Variants in PLCE1 observed in about 807,000 individuals in gnomAD.
PLCE1 encodes 1-phosphatidylinositol 4,5-bisphosphate phosphodiesterase epsilon-1.
Under a neutral mutation model 242.8 loss-of-function variants are expected in PLCE1, and 119 were observed. That is an observed-to-expected ratio of 0.49 (90% confidence interval 0.42 to 0.57). The LOEUF (loss-of-function observed/expected upper bound fraction) is 0.57, where lower values mean the gene tolerates loss of function less well. Among genes scored for constraint, PLCE1 ranks in the 20% least tolerant of loss-of-function variants. PLCE1 has a pLI of 0.00. For synonymous variants in PLCE1, 945 were observed against 1,017.4 expected, an observed-to-expected ratio of 0.93 and a Z score of 1.35; for missense variants, 2,441 against 2,788.8, an observed-to-expected ratio of 0.88 and a Z score of 2.81.
At chr10:94,060,950 C>T (rs1413266722) in intron 2 of PLCE1, among the ~76,000 whole-genome samples, 8 of 152,000 alleles carry the variant, frequency 5.3e-5, no homozygotes, top group African/African-American at 7.2e-5. Context: ...CCACCCGCCT[C>T]GGCCTCCCAA....
chr10:94,034,590 T>C (rs2061627374), intron 2 of PLCE1, among the ~76,000 whole-genome samples: 1 of 152,128 alleles, frequency 6.6e-6, no homozygotes, highest in South Asian at 2.1e-4. Context: ...AGAATTCTGT[T>C]CGTTTCAGCA....
chr10:94,095,648 A>G (rs918140934), intron 2 of PLCE1, among the ~76,000 whole-genome samples: 9 of 152,172 alleles, frequency 5.9e-5, no homozygotes, highest in African/African-American at 2.2e-4. Context: ...GGGAGAGGAG[A>G]GAGAGGCACT....
intron 2 of PLCE1, among the ~76,000 whole-genome samples, chr10:94,082,648 T>C (rs1008458577): frequency 1.1e-4 from 16 of 152,202 alleles, no homozygotes; most frequent in African/African-American, 3.6e-4. Context: ...ATAATGTATT[T>C]TTGAATGAAT....
chr10:94,205,013 G>A (rs545742220), intron 4 of PLCE1, among the ~76,000 whole-genome samples: 3 of 152,304 alleles, frequency 2.0e-5, no homozygotes, highest in East Asian at 1.9e-4. Flanking sequence ...CTTACTTGGC[G>A]TAAGGATAAA....
intron 2 of PLCE1, among the ~76,000 whole-genome samples, chr10:94,049,949 T>C (rs1004124948): frequency 1.3e-5 from 2 of 152,220 alleles, no homozygotes; most frequent in African/African-American, 4.8e-5. Flanking sequence ...TTATAGTTTG[T>C]ACATTCTCAT....
At chr10:94,213,857 G>A (rs2049424602) in intron 4 of PLCE1, among the ~76,000 whole-genome samples, 1 of 152,154 alleles carries the variant, frequency 6.6e-6, no homozygotes, top group African/African-American at 2.4e-5. Context: ...TCCTCTCCAA[G>A]CACCGGAGCC....
intron 29 of PLCE1, among the ~76,000 whole-genome samples, chr10:94,319,777 ATTG>A (rs899850414): frequency 7.3e-5 from 11 of 150,584 alleles, no homozygotes; most frequent in Admixed American, 6.0e-4. Flanking sequence ...AGTGAGGGCT[ATTG>A]TTATTTTGTT....
chr10:94,213,528 T>C (rs1407372100), intron 4 of PLCE1, among the ~76,000 whole-genome samples: 1 of 152,198 alleles, frequency 6.6e-6, no homozygotes, highest in Admixed American at 6.5e-5. Flanking sequence ...CAGAGAGCCC[T>C]GACCCAGACC....
chr10:94,208,032 G>A (rs2049219223), intron 4 of PLCE1, among the ~76,000 whole-genome samples: 1 of 152,188 alleles, frequency 6.6e-6, no homozygotes, highest in Non-Finnish European at 1.5e-5. Context: ...TGTCATAGAG[G>A]TGACTGATTC....
At chr10:94,125,944 T>C (rs564608509) in intron 2 of PLCE1, among the ~76,000 whole-genome samples, 1 of 152,312 alleles carries the variant, frequency 6.6e-6, no homozygotes, top group East Asian at 1.9e-4. Flanking sequence ...GCTTCATGCC[T>C]TTTAGTGCAT....
intron 3 of PLCE1, among the ~76,000 whole-genome samples, chr10:94,135,242 T>C (rs1241746915): frequency 6.6e-6 from 1 of 152,122 alleles, no homozygotes; most frequent in African/African-American, 2.4e-5. Flanking sequence ...TACAAATATA[T>C]ATAATTTGTA....
intron 11 of PLCE1, among the ~76,000 whole-genome samples, chr10:94,257,402 C>T (rs1485322199): frequency 1.3e-5 from 2 of 151,870 alleles, no homozygotes; most frequent in Non-Finnish European, 2.9e-5. Flanking sequence ...CCATTTGACC[C>T]AGCCATCCCA....
intron 4 of PLCE1, among the ~76,000 whole-genome samples, chr10:94,197,318 CAT>C (rs1350318840): frequency 3.9e-5 from 6 of 152,118 alleles, no homozygotes; most frequent in African/African-American, 1.4e-4. Context: ...AATGTTTGAG[CAT>C]ATGTTTTTAT....
chr10:94,134,990 T>C (rs929232712), intron 3 of PLCE1, among the ~76,000 whole-genome samples: 6 of 152,214 alleles, frequency 3.9e-5, no homozygotes, highest in Admixed American at 1.3e-4. Context: ...ATTTCTGTAG[T>C]TCTGACTTAC....
chr10:94,069,552 G>T (rs1327210127), intron 2 of PLCE1, among the ~76,000 whole-genome samples: 1 of 152,162 alleles, frequency 6.6e-6, no homozygotes, highest in Admixed American at 6.5e-5. Context: ...GGCAGAAGTT[G>T]CAGTGAGCCG....
At chr10:94,317,392 T>A (rs2053612844) in intron 29 of PLCE1, among the ~76,000 whole-genome samples, 3 of 152,350 alleles carry the variant, frequency 2.0e-5, no homozygotes, top group Middle Eastern at 3.4e-3. Flanking sequence ...AGTATTTTAT[T>A]TGTATGTGTG....
chr10:94,190,619 AACAACG>A (rs2048629560), intron 4 of PLCE1, among the ~76,000 whole-genome samples: 1 of 152,198 alleles, frequency 6.6e-6, no homozygotes, highest in African/African-American at 2.4e-5. Context: ...AAACAACAAC[AACAACG>A]AAAGATAATG....
rs10537252 is a variant in PLCE1 at position 94,332,505 on chromosome 10, CTG to C, written c.*4604_*4605del. 49,373 of 145,436 alleles carry C rather than the reference CTG, an allele frequency of 0.34. 8,393 individuals are homozygous for C. The highest frequency in any genetic ancestry group is 0.42 in the South Asian group (1,859 of 4,380). 9.0% of individuals were successfully genotyped at this position (145,436 alleles called of 1,614,324 possible). A position where few individuals can be genotyped will look rare whatever the true frequency, so the allele number is the denominator to read the frequency against. On this transcript the variant is annotated 3_prime_UTR_variant, in exon 33 of 33. Coordinates refer to ENST00000371380, the MANE Select transcript of PLCE1 (RefSeq NM_016341.4). The stretch of plus-strand genomic sequence containing the variant: ...ATATAGCCTCAGGATATGTGTGTGC[CTG>C]TGTGTGTGTGTGTGTGTGTGTGTGT...
intron 2 of PLCE1, among the ~76,000 whole-genome samples, chr10:94,063,061 C>T (rs2044103009): frequency 1.3e-5 from 2 of 152,112 alleles, no homozygotes; most frequent in South Asian, 4.1e-4. Flanking sequence ...ATCCCCAATC[C>T]TTTCCCACCT....
Sources: allele counts gnomAD v4.1 joint callset (sites outside exome capture counted in the v4.1 genomes callset), GRCh38; gene constraint gnomAD v4.1.1; transcripts MANE v1.5; gene names NCBI Gene and HGNC (gene_info 2026-07-23, HGNC 2026-07-21).